PTPRG: variants seen among roughly 807,000 people sequenced by gnomAD.
PTPRG encodes the protein protein tyrosine phosphatase receptor type G.
PTPRG carries 102 observed loss-of-function variants against 165.3 expected under a neutral mutation model. The ratio of observed to expected loss-of-function variants is 0.62; its 90% CI spans 0.53 to 0.73. The LOEUF (loss-of-function observed/expected upper bound fraction) is 0.73, where lower values mean the gene tolerates loss of function less well. Among genes scored for constraint, PTPRG ranks in the 30% least tolerant of loss-of-function variants. The pLI is 0.00. For missense variants in PTPRG, 1,866 were observed against 1,861.4 expected, an observed-to-expected ratio of 1.00 and a Z score of -0.05; for synonymous variants, 675 against 669.5, an observed-to-expected ratio of 1.01 and a Z score of -0.13.
intron 6 of PTPRG, among the ~76,000 whole-genome samples, chr3:62,150,940 G>C (rs1304241049): frequency 1.3e-5 from 2 of 152,102 alleles, no homozygotes; most frequent in African/African-American, 2.4e-5. Flanking sequence ...TACATTGACT[G>C]TTCATCGTAT....
chr3:61,636,807 T>G (rs1701922422), intron 1 of PTPRG, among the ~76,000 whole-genome samples: 1 of 152,232 alleles, frequency 6.6e-6, no homozygotes, highest in Non-Finnish European at 1.5e-5. Flanking sequence ...CACTGCTCTG[T>G]CTGCTCCTGC....
At position 61,683,552 on chromosome 3, in the gene PTPRG, C is replaced by T. The variant is rs935890889; in HGVS notation, c.86-65326C>T. ...TGGGGTTACTTGGCCGTCTCAGGAA[C>T]ACTCTTGAGTTTGTGGCCTTTTCTA... On this transcript the variant is annotated intron_variant, in intron 1 of 29. Transcript: ENST00000474889. Among the ~76,000 whole-genome samples, 6 of 152,244 alleles carry T rather than the reference C, an allele frequency of 3.9e-5. No individual in the cohort carries two copies. The East Asian group carries it at 9.6e-4, about 24-fold the overall frequency.
At chr3:61,962,641 T>C (rs1203626476) in intron 2 of PTPRG, among the ~76,000 whole-genome samples, 2 of 152,228 alleles carry the variant, frequency 1.3e-5, no homozygotes, top group Admixed American at 6.5e-5. Flanking sequence ...TATTGAGTAA[T>C]CAATAAGCTA....
chr3:61,691,493 C>T (rs2030213588), intron 1 of PTPRG, among the ~76,000 whole-genome samples: 1 of 152,088 alleles, frequency 6.6e-6, no homozygotes, highest in Non-Finnish European at 1.5e-5. Flanking sequence ...TCAGGACCAT[C>T]CTAAATATGT....
At chr3:62,080,193 G>A (rs1239586209) in intron 5 of PTPRG, among the ~76,000 whole-genome samples, 1 of 150,904 alleles carries the variant, frequency 6.6e-6, no homozygotes. Flanking sequence ...TCAGCCTCCT[G>A]AGTAGCTGGG....
intron 5 of PTPRG, among the ~76,000 whole-genome samples, chr3:62,123,852 A>G (rs1703175517): frequency 6.6e-6 from 1 of 152,186 alleles, no homozygotes; most frequent in Non-Finnish European, 1.5e-5. Context: ...TCCTTCTGGT[A>G]TTGACACTCC....
chr3:62,109,939 C>T (rs1702608122), intron 5 of PTPRG, among the ~76,000 whole-genome samples: 1 of 152,144 alleles, frequency 6.6e-6, no homozygotes, highest in Non-Finnish European at 1.5e-5. Context: ...CCAGCACACC[C>T]TCTGGCAGTT....
intron 1 of PTPRG, among the ~76,000 whole-genome samples, chr3:61,644,470 A>G (rs1702148646): frequency 1.3e-5 from 2 of 152,174 alleles, no homozygotes; most frequent in East Asian, 3.9e-4. Flanking sequence ...TCTGAAGCCC[A>G]GTGGGTTTTT....
chr3:62,277,806 C>T (rs1702282203), intron 26 of PTPRG, 127 bp downstream of exon 26: 2 of 1,185,102 alleles, frequency 1.7e-6, no homozygotes, highest in Non-Finnish European at 2.3e-6. Flanking sequence ...TTTTTAAATT[C>T]TCATCTTGAA....
chr3:62,234,872 C>G (rs149793577), intron 14 of PTPRG, among the ~76,000 whole-genome samples: 1,751 of 151,556 alleles, frequency 0.012, 14 homozygotes, highest in Middle Eastern at 0.044. Context: ...TTTATGGTTT[C>G]AAATTTTAAT....
intron 1 of PTPRG, among the ~76,000 whole-genome samples, chr3:61,681,776 C>G (rs1703449435): frequency 6.6e-6 from 1 of 152,034 alleles, no homozygotes; most frequent in Non-Finnish European, 1.5e-5. Flanking sequence ...TTTTAAGCTC[C>G]TGAATTTTGG....
chr3:62,234,339 A>G (rs1700974330), intron 14 of PTPRG, among the ~76,000 whole-genome samples: 1 of 152,128 alleles, frequency 6.6e-6, no homozygotes, highest in African/African-American at 2.4e-5. Context: ...TCTGTAGGAA[A>G]ATTTTCAGAG....
At chr3:61,687,118 GAAATGA>G (rs1305583878) in intron 1 of PTPRG, among the ~76,000 whole-genome samples, 1 of 152,190 alleles carries the variant, frequency 6.6e-6, no homozygotes, top group Non-Finnish European at 1.5e-5. Flanking sequence ...TACCTACCCT[GAAATGA>G]AACCAAGTAT....
At chr3:62,020,431 A>G (rs183696324) in intron 4 of PTPRG, among the ~76,000 whole-genome samples, 1 of 152,336 alleles carries the variant, frequency 6.6e-6, no homozygotes, top group Non-Finnish European at 1.5e-5. Context: ...TTTTCTCAAA[A>G]TGCAAATTGT....
At chr3:61,599,597 G>A (rs995783639) in intron 1 of PTPRG, among the ~76,000 whole-genome samples, 7 of 151,854 alleles carry the variant, frequency 4.6e-5, no homozygotes, top group Admixed American at 2.6e-4. Context: ...GGCTCAAGTG[G>A]TCCTCCCAAC....
intron 12 of PTPRG, among the ~76,000 whole-genome samples, chr3:62,205,626 C>T (rs931723191): frequency 2.0e-4 from 30 of 152,240 alleles, no homozygotes; most frequent in African/African-American, 7.0e-4. Flanking sequence ...GAGGGGAATT[C>T]TGGGCTGCAG....
At chr3:61,644,264 T>G (rs1205188173) in intron 1 of PTPRG, among the ~76,000 whole-genome samples, 1 of 152,180 alleles carries the variant, frequency 6.6e-6, no homozygotes, top group Non-Finnish European at 1.5e-5. Flanking sequence ...TCACAAGTCT[T>G]ATTTTATTTT....
intron 2 of PTPRG, among the ~76,000 whole-genome samples, chr3:61,985,683 C>T (rs917668426): frequency 2.0e-5 from 3 of 152,134 alleles, no homozygotes; most frequent in Admixed American, 2.0e-4. Flanking sequence ...AAATTGATAA[C>T]AGTGATGGAT....
At chr3:61,818,247 C>T (rs1156967242) in intron 2 of PTPRG, among the ~76,000 whole-genome samples, 1 of 151,944 alleles carries the variant, frequency 6.6e-6, no homozygotes, top group Non-Finnish European at 1.5e-5. Context: ...ACACTATATA[C>T]CTGATATTTT....
Sources: gnomAD v4.1 joint callset for allele counts (sites outside exome capture counted in the v4.1 genomes callset) on GRCh38, gnomAD v4.1.1 for gene constraint, MANE v1.5 for transcripts, NCBI Gene and HGNC (gene_info 2026-07-23, HGNC 2026-07-21) for gene names.